RNF217: variants seen among roughly 807,000 people sequenced by gnomAD.
RNF217 encodes the protein E3 ubiquitin-protein ligase RNF217.
In RNF217, 31 loss-of-function variants were observed where a neutral mutation model predicts 57.8. That is an observed-to-expected ratio of 0.54 (90% CI 0.40 to 0.72). The LOEUF is 0.72. Among genes scored for constraint, RNF217 ranks in the 30% least tolerant of loss-of-function variants. The pLI is 0.00. For synonymous variants in RNF217, 313 were observed against 294.0 expected (o/e 1.06, Z -0.66); for missense variants, 696 against 708.3 (o/e 0.98, Z 0.20).
chr6:125,027,826 G>C lies in RNF217; in HGVS notation c.883-17385G>C, dbSNP rs541003873. On this transcript the variant is annotated intron_variant, in intron 1 of 5. Coordinates refer to ENST00000521654, the MANE Select transcript of RNF217 (RefSeq NM_001286398.3). ...TCCTCACCAGTATTTGTTATTGCCT[G>C]TCTTTTGGATACAAGCTGTTTTAAC... Among the ~76,000 whole-genome samples the C allele has an allele frequency of 2.6e-5, 4 of 152,278 alleles. No individual in the cohort carries two copies. The South Asian group carries it at 8.3e-4, about 32-fold the overall frequency.
rs550313666 is a variant in RNF217, at chr6:124,999,256, G to C, written c.882+35830G>C. The stretch of plus-strand genomic sequence containing the variant: ...GTCATTCCATTTTTAATCTGCCCGT[G>C]TCATGAGTTTCTAACCGCAGGTGCA... On this transcript the variant is annotated intron_variant, in intron 1 of 5. Coordinates refer to ENST00000521654, the MANE Select transcript of RNF217 (RefSeq NM_001286398.3). 2.6e-5 allele frequency among the ~76,000 whole-genome samples: 4 copies of C among 152,194 alleles called. 1 individual carries two copies. The East Asian group carries it at 7.7e-4, about 29-fold the overall frequency.
intron 1 of RNF217, among the ~76,000 whole-genome samples, chr6:125,004,972 A>G (rs1384551924): frequency 2.6e-5 from 4 of 152,148 alleles, no homozygotes; most frequent in African/African-American, 9.7e-5. Context: ...GTCCAAGTGT[A>G]TGGTGCTGGC....
intron 2 of RNF217, among the ~76,000 whole-genome samples, chr6:125,047,381 G>A (rs146696663): frequency 4.6e-4 from 70 of 152,132 alleles, no homozygotes; most frequent in Non-Finnish European, 9.3e-4. Context: ...ATGTTGTGAT[G>A]AGCATAATGT....
At position 125,084,481 on chromosome 6, in the gene RNF217, A is replaced by G. The variant is rs1171858115; in HGVS notation, c.*1544A>G. On this transcript the variant is annotated 3_prime_UTR_variant, in exon 6 of 6. Coordinates refer to ENST00000521654, the MANE Select transcript of RNF217 (RefSeq NM_001286398.3). ...TCTTAAAATTAGTCATCTGTCTTAG[A>G]TGTACATTTATTTGTCAGCAACCTT... The G allele has an allele frequency of 6.6e-6, 1 of 151,982 alleles. No individual in the cohort carries two copies. Among genetic ancestry groups the G allele is most frequent in the Non-Finnish European group, 1.5e-5 (1 of 67,902 alleles). 9.4% of individuals were successfully genotyped at this position (151,982 alleles called of 1,614,324 possible). A position where few individuals can be genotyped will look rare whatever the true frequency, so the allele number is the denominator to read the frequency against.
chr6:124,987,181 T>G, intron 1 of RNF217, among the ~76,000 whole-genome samples: 1 of 152,224 alleles, frequency 6.6e-6, no homozygotes. Flanking sequence ...TGGAAGCTCC[T>G]CAGTTGCACA....
chr6:125,007,434 A>G lies in RNF217; in HGVS notation c.883-37777A>G, dbSNP rs1423435788. Among the ~76,000 whole-genome samples, 6 of 151,672 alleles carry G rather than the reference A, an allele frequency of 4.0e-5. No individual in the cohort carries two copies. In the East Asian group the frequency reaches 1.2e-3, roughly 30 times the overall value. ...CTAATTTTTTGTATTTTGAGTGGAGACAGGTTTTCTCCATGTTGGTCAGGC... is the reference window on the plus strand; with the variant it reads ...CTAATTTTTTGTATTTTGAGTGGAGGCAGGTTTTCTCCATGTTGGTCAGGC... On this transcript the variant is annotated intron_variant, in intron 1 of 5. Transcript: ENST00000521654.
intron 3 of RNF217, among the ~76,000 whole-genome samples, chr6:125,075,401 G>C (rs755797189): frequency 1.8e-4 from 27 of 152,126 alleles, no homozygotes; most frequent in Admixed American, 3.3e-4. Context: ...ATTGACTCAT[G>C]GTTCCGCATG....
chr6:125,029,797 A>C (rs956416224), intron 1 of RNF217, among the ~76,000 whole-genome samples: 1 of 152,190 alleles, frequency 6.6e-6, no homozygotes, highest in Non-Finnish European at 1.5e-5. Context: ...GGAATAAAAA[A>C]AAATTTTTGA....
At chr6:125,081,014 C>T (rs1788553579) in intron 4 of RNF217, among the ~76,000 whole-genome samples, 1 of 152,034 alleles carries the variant, frequency 6.6e-6, no homozygotes, top group Non-Finnish European at 1.5e-5. Context: ...CTCTGTAGGA[C>T]CTACCAGCTC....
In RNF217 at chr6:125,076,713, T is replaced by G. The variant is rs756803420; in HGVS notation, c.1338T>G (p.Thr446=). 1.9e-6 allele frequency: 3 copies of G among 1,613,208 alleles called. No individual in the cohort carries two copies. In the Admixed American group the frequency reaches 5.0e-5, roughly 27 times the overall value. ...CDHMTCSQCN[T]NFCYRCGERY... Reference sequence around the variant, plus strand: ...ATATGACCTGCTCACAATGTAACACTAATTTTTGTTACCGATGTGGTGAGA... The same window carrying G: ...ATATGACCTGCTCACAATGTAACACGAATTTTTGTTACCGATGTGGTGAGA... Residue 446 remains threonine, a synonymous_variant, in exon 4 of 6, where the codon ACT becomes ACG. Coordinates refer to ENST00000521654, the MANE Select transcript of RNF217 (RefSeq NM_001286398.3).
chr6:125,027,928 C>G (rs1350342800), intron 1 of RNF217, among the ~76,000 whole-genome samples: 1 of 151,982 alleles, frequency 6.6e-6, no homozygotes, highest in Non-Finnish European at 1.5e-5. Flanking sequence ...TTTTCATATG[C>G]CTGTTCACCA....
chr6:125,061,264 A>G (rs1448146100), intron 3 of RNF217, among the ~76,000 whole-genome samples: 1 of 152,122 alleles, frequency 6.6e-6, no homozygotes, highest in Non-Finnish European at 1.5e-5. Context: ...TCTAAAAGGA[A>G]TGAATCAATT....
At chr6:125,010,147 C>T (rs1369873669) in intron 1 of RNF217, among the ~76,000 whole-genome samples, 7 of 151,744 alleles carry the variant, frequency 4.6e-5, no homozygotes, top group Non-Finnish European at 2.9e-5. Context: ...CTGAAATGAA[C>T]GTTTTCTTAC....
rs1785233233 is a variant in RNF217 at position 125,007,435 on chromosome 6, C to CG, written c.883-37776_883-37775insG. On this transcript the variant is annotated intron_variant, in intron 1 of 5. Transcript: ENST00000521654. ...TAATTTTTTGTATTTTGAGTGGAGACAGGTTTTCTCCATGTTGGTCAGGCT... is the reference window on the plus strand; with the variant it reads ...TAATTTTTTGTATTTTGAGTGGAGACGAGGTTTTCTCCATGTTGGTCAGGCT... 2.0e-5 allele frequency among the ~76,000 whole-genome samples: 3 copies of CG among 151,880 alleles called. No homozygotes were observed. In the East Asian group the frequency reaches 5.8e-4, roughly 30 times the overall value.
intron 3 of RNF217, among the ~76,000 whole-genome samples, chr6:125,070,710 A>T (rs781556509): frequency 6.6e-6 from 1 of 152,084 alleles, no homozygotes; most frequent in Non-Finnish European, 1.5e-5. Flanking sequence ...GTTTCAGGAA[A>T]TTTTTTTAAA....
chr6:125,007,219 GTTT>G (rs1785219387), intron 1 of RNF217, among the ~76,000 whole-genome samples: 1 of 147,622 alleles, frequency 6.8e-6, no homozygotes, highest in Non-Finnish European at 1.5e-5. Context: ...TTGCCTAATG[GTTT>G]CTATTCTTCT....
intron 1 of RNF217, among the ~76,000 whole-genome samples, chr6:124,984,089 T>TA (rs1165716128): frequency 2.0e-5 from 3 of 152,200 alleles, no homozygotes; most frequent in African/African-American, 7.2e-5. Context: ...CCTTTGGTGT[T>TA]ACATGAATTT....
chr6:125,029,455 T>C (rs1211351571), intron 1 of RNF217, among the ~76,000 whole-genome samples: 1 of 152,198 alleles, frequency 6.6e-6, no homozygotes. Flanking sequence ...TCTTTCTTTA[T>C]TGAATCTAAA....
At chr6:124,984,984 A>G (rs1344909393) in intron 1 of RNF217, among the ~76,000 whole-genome samples, 1 of 152,232 alleles carries the variant, frequency 6.6e-6, no homozygotes, top group East Asian at 1.9e-4. Flanking sequence ...CAAAAGACAA[A>G]GCACCCAATA....
Sources: gnomAD v4.1 joint callset for allele counts (sites outside exome capture counted in the v4.1 genomes callset) on GRCh38, gnomAD v4.1.1 for gene constraint, MANE v1.5 for transcripts, NCBI Gene and HGNC (gene_info 2026-07-23, HGNC 2026-07-21) for gene names.